Variants in MAP4K2 observed in about 807,000 individuals in gnomAD.
MAP4K2 encodes the protein B lymphocyte serine/threonine protein kinase.
A neutral mutation model predicts 125.3 loss-of-function variants in MAP4K2; 85 were observed. That is an observed-to-expected ratio of 0.68 (90% confidence interval 0.57 to 0.81). MAP4K2 has a LOEUF of 0.81. Ranked by LOEUF, MAP4K2 falls within the 40% of genes least tolerant of loss-of-function variation. The probability of loss-of-function intolerance (pLI) is 0.00; values close to 1 mark genes in which losing one functional copy is unlikely to be tolerated. For missense variants in MAP4K2, 923 were observed against 1,056.4 expected, an observed-to-expected ratio of 0.87 and a Z score of 1.75; for synonymous variants, 479 against 445.1, an observed-to-expected ratio of 1.08 and a Z score of -0.96.
At chr11:64,800,031 G>C (rs948947040) in intron 12 of MAP4K2, 78 bp downstream of exon 12, 69 of 1,199,894 alleles carry the variant, frequency 5.8e-5, no homozygotes, top group Non-Finnish European at 8.3e-5. Flanking sequence ...GCCAGTTAAA[G>C]GACCTCCACC....
rs372522376 is a variant in MAP4K2, at chr11:64,802,604, G to A, written c.204C>T (p.Cys68=). 7 of 1,612,234 alleles carry A rather than the reference G, an allele frequency of 4.3e-6. No homozygotes were observed. The highest frequency in any genetic ancestry group is 5.9e-6 in the Non-Finnish European group (7 of 1,179,344). The part of the protein sequence containing the change: ...LQQEITILRE[C]RHPNVVAYIG... The stretch of plus-strand genomic sequence containing the variant: ...TGTAGGCCACCACATTGGGGTGGCG[G>A]CACTCACGCAGGATGGTGATTTCCT... The change falls in exon 3 of 32, where the codon TGC becomes TGT. Residue 68 remains cysteine, a synonymous_variant. Coordinates refer to ENST00000294066, the MANE Select transcript of MAP4K2 (RefSeq NM_004579.5).
In MAP4K2 at chr11:64,789,423, C is replaced by A. The variant is rs536377951; in HGVS notation, c.*114G>T. ...CTCAGGATTACTTCTGACCTTCAGCCCCAGCAGGGCCAGGGCCTGGGCTCC... is the reference window on the plus strand; with the variant it reads ...CTCAGGATTACTTCTGACCTTCAGCACCAGCAGGGCCAGGGCCTGGGCTCC... On this transcript the variant is annotated 3_prime_UTR_variant, in exon 32 of 32. Coordinates refer to ENST00000294066, the MANE Select transcript of MAP4K2 (RefSeq NM_004579.5). The A allele has an allele frequency of 6.5e-6, 6 of 924,122 alleles. No homozygotes were observed. The South Asian group carries it at 9.0e-5, about 14-fold the overall frequency. 57.2% of individuals were successfully genotyped at this position (924,122 alleles called of 1,614,324 possible).
At chr11:64,801,449 A>G in intron 7 of MAP4K2, 130 bp downstream of exon 7, 1 of 1,106,606 alleles carries the variant, frequency 9.0e-7, no homozygotes, top group Non-Finnish European at 1.3e-6. Flanking sequence ...GTACCGTTCC[A>G]TCTTCTAAGC....
At position 64,793,075 on chromosome 11, in the gene MAP4K2, G is replaced by C. The variant is rs542466258; in HGVS notation, c.1752-653C>G. On this transcript the variant is annotated intron_variant, in intron 24 of 31. Transcript: ENST00000294066. ...CTACTAAAAATACAAAATTAGCCAG[G>C]CGTGGTGGCGCGTGCCTGTAATCCC... 2.0e-5 allele frequency among the ~76,000 whole-genome samples: 3 copies of C among 152,252 alleles called. No homozygotes were observed. The South Asian group carries it at 6.2e-4, about 32-fold the overall frequency.
At chr11:64,791,816 A>T in intron 27 of MAP4K2, 93 bp downstream of exon 27, 2 of 1,334,830 alleles carry the variant, frequency 1.5e-6, no homozygotes, top group Non-Finnish European at 2.0e-6. Context: ...GGCTGTGGGG[A>T]GCCTAGTTTG....
chr11:64,802,983 G>A (rs1358730736), intron 1 of MAP4K2, 41 bp from the exon 2 acceptor site: 6 of 1,555,782 alleles, frequency 3.9e-6, no homozygotes, highest in Non-Finnish European at 5.2e-6. Flanking sequence ...GGGCGGGGCC[G>A]GGGGCTAGAT....
intron 2 of MAP4K2, 93 bp downstream of exon 2, chr11:64,802,792 A>T: frequency 1.3e-6 from 2 of 1,484,784 alleles, no homozygotes; most frequent in Non-Finnish European, 1.8e-6. Context: ...CACGCCTCTC[A>T]GGGGTCTCGG....
At chr11:64,790,084 G>A (rs1167316724) in intron 29 of MAP4K2, 104 bp downstream of exon 29, 2 of 1,528,964 alleles carry the variant, frequency 1.3e-6, no homozygotes, top group Non-Finnish European at 1.8e-6. Flanking sequence ...TCAGGAGAGG[G>A]GCTAGGGGAT....
intron 15 of MAP4K2, among the ~76,000 whole-genome samples, chr11:64,797,936 C>A (rs537217007): frequency 1.1e-4 from 17 of 151,636 alleles, no homozygotes; most frequent in Admixed American, 2.6e-4. Flanking sequence ...CGATCTCCTG[C>A]CCTTGTGATC....
intron 10 of MAP4K2, among the ~76,000 whole-genome samples, 182 bp downstream of exon 10, chr11:64,800,582 C>T (rs962644341): frequency 5.9e-5 from 9 of 152,254 alleles, no homozygotes; most frequent in African/African-American, 1.9e-4. Flanking sequence ...ACCCTCTGCC[C>T]TTCTTTCCTG....
At chr11:64,802,677 G>C (rs1244569758) in intron 2 of MAP4K2, 24 bp from the exon 3 acceptor site, 1 of 1,607,146 alleles carries the variant, frequency 6.2e-7, no homozygotes, top group East Asian at 2.2e-5. Context: ...AGCATCATGG[G>C]GAAGGCGCGC....
intron 24 of MAP4K2, among the ~76,000 whole-genome samples, chr11:64,795,706 T>C (rs956585477): frequency 7.2e-5 from 11 of 152,214 alleles, no homozygotes; most frequent in African/African-American, 2.7e-4. Context: ...CCAGACTTTT[T>C]TGATTTTTTG....
chr11:64,795,333 C>T (rs1254966847), intron 24 of MAP4K2, among the ~76,000 whole-genome samples: 8 of 152,098 alleles, frequency 5.3e-5, no homozygotes, highest in African/African-American at 1.9e-4. Context: ...CCGCCCACCT[C>T]GGCCTCTCAA....
At position 64,803,127 on chromosome 11, in the gene MAP4K2, G is replaced by T; in HGVS notation, c.23C>A (p.Ser8Ter). 1.3e-6 allele frequency: 2 copies of T among 1,565,356 alleles called. No homozygotes were observed. The highest frequency in any genetic ancestry group is 1.1e-5 in the South Asian group (1 of 87,062). ...GAAGCGGTCCCGCGGGTCCTGCAGC[G>T]ACACATCCCGCAGCAGCGCCATGGC... MALLRDV[S>*]LQDPRDRFEL... The change falls in exon 1 of 32, where the codon TCG (serine) becomes TAG (stop). Residue 8 changes from serine to a stop codon, truncating the protein, a stop_gained. Coordinates refer to ENST00000294066, the MANE Select transcript of MAP4K2 (RefSeq NM_004579.5). LOFTEE classifies it high-confidence loss of function.
chr11:64,801,678 C>T (rs1592609347), intron 6 of MAP4K2, 32 bp downstream of exon 6: 2 of 1,613,844 alleles, frequency 1.2e-6, no homozygotes, highest in East Asian at 4.5e-5. Flanking sequence ...CTCCTCCTCC[C>T]TCCCCAGGAG....
chr11:64,788,523 T>C lies in MAP4K2; in HGVS notation c.*1014A>G, dbSNP rs1940298877. The C allele has an allele frequency of 1.3e-5, 2 of 152,248 alleles. No individual in the cohort carries two copies. Among genetic ancestry groups the C allele is most frequent in the South Asian group, 4.1e-4 (2 of 4,828 alleles). 9.4% of individuals were successfully genotyped at this position (152,248 alleles called of 1,614,324 possible). On this transcript the variant is annotated 3_prime_UTR_variant, in exon 32 of 32. Transcript: ENST00000294066. Reference sequence around the variant, plus strand: ...CAGGAGAATGGCCATGCCCTCAAGATGCAGGCTCCAGCAAGGAGGACGCCC... The same window carrying C: ...CAGGAGAATGGCCATGCCCTCAAGACGCAGGCTCCAGCAAGGAGGACGCCC...
At position 64,792,177 on chromosome 11, in the gene MAP4K2, G is replaced by T; in HGVS notation, c.1909C>A (p.Leu637Met). 1 of 1,610,388 alleles carries T rather than the reference G, an allele frequency of 6.2e-7. No individual in the cohort carries two copies. The highest frequency in any genetic ancestry group is 8.5e-7 in the Non-Finnish European group (1 of 1,178,756). The change falls in exon 26 of 32, where the codon CTG becomes ATG. Residue 637 changes from leucine (L) to methionine (M), a missense_variant. By Grantham distance (15) the Leu-to-Met change is conservative. Transcript: ENST00000294066. Reference sequence around the variant, plus strand: ...CTCCCCCCACCGCCCCTCACCTTCAGCAGCAGAAACTTCTGCAGCGGCTCA... The same window carrying T: ...CTCCCCCCACCGCCCCTCACCTTCATCAGCAGAAACTTCTGCAGCGGCTCA... ...WYEPLQKFLL[L>M]KNFSSPLPSP...
rs914821752 is a variant in MAP4K2 at position 64,792,842 on chromosome 11, C to A, written c.1752-420G>T. Among the ~76,000 whole-genome samples the A allele has an allele frequency of 5.3e-5, 8 of 152,250 alleles. No individual in the cohort carries two copies. The South Asian group carries it at 1.0e-3, about 20-fold the overall frequency. On this transcript the variant is annotated intron_variant, in intron 24 of 31. Transcript: ENST00000294066. ...GGGAATCGTGTGTGCTCACAGAGGG[C>A]CAGCTCCTATCATCCCATATTAGGA...
chr11:64,795,945 G>C (rs1441890223), intron 24 of MAP4K2, among the ~76,000 whole-genome samples: 1 of 152,050 alleles, frequency 6.6e-6, no homozygotes, highest in South Asian at 2.1e-4. Context: ...GAGGACTCAT[G>C]GGATTCTCCA....
Sources: allele counts gnomAD v4.1 joint callset (sites outside exome capture counted in the v4.1 genomes callset), GRCh38; gene constraint gnomAD v4.1.1; transcripts MANE v1.5; gene names NCBI Gene and HGNC (gene_info 2026-07-23, HGNC 2026-07-21).